Variants in NOTCH2NLC observed in about 807,000 individuals in gnomAD.
NOTCH2NLC encodes the protein notch 2 N-terminal like C, also known as notch homolog 2 N-terminal-like protein C.
Under a neutral mutation model 17.7 loss-of-function variants are expected in NOTCH2NLC, and 4 were observed. The observed-to-expected ratio is 0.23, with a 90% confidence interval of 0.11 to 0.52. The LOEUF is 0.52. Ranked by LOEUF, NOTCH2NLC falls within the 20% of genes least tolerant of loss-of-function variation. The pLI is 0.96. For missense variants in NOTCH2NLC, 57 were observed against 207.2 expected, an observed-to-expected ratio of 0.28 and a Z score of 4.45; for synonymous variants, 18 against 86.0, an observed-to-expected ratio of 0.21 and a Z score of 4.38.
chr1:149,449,715 G>A (rs2084580746), intron 2 of NOTCH2NLC, among the ~76,000 whole-genome samples: 2 of 151,340 alleles, frequency 1.3e-5, no homozygotes, highest in South Asian at 4.2e-4. Flanking sequence ...AGAGTTATGA[G>A]ACCACCACCA....
intron 1 of NOTCH2NLC, among the ~76,000 whole-genome samples, chr1:149,396,117 GTT>G (rs2084207285): frequency 6.7e-6 from 1 of 148,486 alleles, no homozygotes; most frequent in Non-Finnish European, 1.5e-5. Flanking sequence ...GTTGGAGTGT[GTT>G]TCTATGTTCT....
chr1:149,461,198 G>T (rs1427919001), intron 3 of NOTCH2NLC, among the ~76,000 whole-genome samples: 1 of 149,890 alleles, frequency 6.7e-6, no homozygotes, highest in Admixed American at 6.6e-5. Flanking sequence ...GCCTCCCAAA[G>T]TGCTGGGATT....
rs1280184852 is a variant in NOTCH2NLC at position 149,390,633 on chromosome 1, C to A, written c.-155C>A. On this transcript the variant is annotated 5_prime_UTR_variant, in exon 1 of 5. Transcript: ENST00000650865. Reference sequence around the variant, plus strand: ...GAGAAAGTTTCAGCCAAACTTCGGGCGGCGGCTGAGGCGGCGGCCGAGGAG... The same window carrying A: ...GAGAAAGTTTCAGCCAAACTTCGGGAGGCGGCTGAGGCGGCGGCCGAGGAG... The A allele has an allele frequency of 3.5e-6, 4 of 1,127,076 alleles. No homozygotes were observed. Among genetic ancestry groups the A allele is most frequent in the East Asian group, 8.4e-5 (2 of 23,796 alleles). 69.8% of individuals were successfully genotyped at this position (1,127,076 alleles called of 1,614,324 possible).
chr1:149,436,976 G>A (rs1468927829), intron 2 of NOTCH2NLC, among the ~76,000 whole-genome samples: 7 of 121,952 alleles, frequency 5.7e-5, no homozygotes, highest in South Asian at 3.0e-4. Flanking sequence ...CTATTTATGC[G>A]TACCACATAT....
chr1:149,399,326 TC>T (rs1253693498), intron 1 of NOTCH2NLC, among the ~76,000 whole-genome samples: 1 of 147,200 alleles, frequency 6.8e-6, no homozygotes, highest in Non-Finnish European at 1.5e-5. Context: ...GAGAGGTTGT[TC>T]TATTGGTATA....
chr1:149,413,064 C>T, intron 1 of NOTCH2NLC, among the ~76,000 whole-genome samples: 1 of 148,684 alleles, frequency 6.7e-6, no homozygotes, highest in Non-Finnish European at 1.5e-5. Context: ...GCCACTACCA[C>T]CCGGCTAATT....
intron 1 of NOTCH2NLC, among the ~76,000 whole-genome samples, chr1:149,413,481 G>C (rs1327255984): frequency 1.3e-5 from 2 of 151,250 alleles, no homozygotes; most frequent in African/African-American, 4.9e-5. Flanking sequence ...GAAGGAAAGA[G>C]GGTAATAATC....
rs1559611433 is a variant in NOTCH2NLC at position 149,460,899 on chromosome 1, CTT to C, written c.470-2590_470-2589del. Among the ~76,000 whole-genome samples, 67 of 124,548 alleles carry C rather than the reference CTT, an allele frequency of 5.4e-4. 4 individuals carry two copies. In the South Asian group the frequency reaches 7.8e-3, roughly 15 times the overall value. The allele number at this position is 124,548 out of a possible 152,430, so 81.7% of individuals were successfully genotyped here. ...TCTTTCTTTCTTTCTTTCTTTCTTT[CTT>C]TCTTTCTTTCTTTCTCTCTCTTTCT... is the stretch of plus-strand genomic sequence containing the variant. On this transcript the variant is annotated intron_variant, in intron 3 of 4. Coordinates refer to ENST00000650865, the MANE Select transcript of NOTCH2NLC (RefSeq NM_001364013.2).
chr1:149,415,897 A>G (rs2084332338), intron 1 of NOTCH2NLC, among the ~76,000 whole-genome samples: 1 of 150,498 alleles, frequency 6.6e-6, no homozygotes, highest in Non-Finnish European at 1.5e-5. Flanking sequence ...AATTTTGATA[A>G]TTTATTTATA....
chr1:149,448,579 G>A (rs1270848068), intron 2 of NOTCH2NLC, among the ~76,000 whole-genome samples: 2 of 148,550 alleles, frequency 1.3e-5, no homozygotes, highest in East Asian at 4.1e-4. Flanking sequence ...CATATCCATT[G>A]GGTATGAGTC....
intron 2 of NOTCH2NLC, among the ~76,000 whole-genome samples, chr1:149,448,753 T>C (rs1335436048): frequency 6.8e-6 from 1 of 147,732 alleles, no homozygotes; most frequent in Non-Finnish European, 1.5e-5. Context: ...TGAGCCTCAC[T>C]TTTTAAAGAG....
intron 1 of NOTCH2NLC, among the ~76,000 whole-genome samples, chr1:149,405,318 ATGTT>A (rs2084262498): frequency 7.0e-6 from 1 of 143,564 alleles, no homozygotes; most frequent in African/African-American, 2.6e-5. Flanking sequence ...AAACAGATGA[ATGTT>A]TCTGTTTTCA....
chr1:149,426,549 A>G (rs1321927967), intron 1 of NOTCH2NLC, among the ~76,000 whole-genome samples: 1 of 130,316 alleles, frequency 7.7e-6, no homozygotes, highest in African/African-American at 2.7e-5. Flanking sequence ...TGGAGTGATG[A>G]GATTGAAATC....
intron 1 of NOTCH2NLC, 139 bp from the exon 2 acceptor site, chr1:149,430,803 T>G (rs1167006177): frequency 9.5e-5 from 41 of 430,104 alleles, no homozygotes; most frequent in African/African-American, 7.9e-4. Context: ...CATAAAAAAC[T>G]GATTAAAACT....
chr1:149,461,579 C>T (rs1295110268), intron 3 of NOTCH2NLC, among the ~76,000 whole-genome samples: 2 of 151,278 alleles, frequency 1.3e-5, no homozygotes, highest in African/African-American at 4.9e-5. Flanking sequence ...CTTTCCTAGA[C>T]AGTCAACTGG....
intron 1 of NOTCH2NLC, among the ~76,000 whole-genome samples, chr1:149,423,620 C>T (rs1457692576): frequency 2.0e-5 from 3 of 147,822 alleles, no homozygotes; most frequent in South Asian, 4.4e-4. Context: ...GATCCTAGGA[C>T]GTAAACTCAG....
At position 149,390,736 on chromosome 1, in the gene NOTCH2NLC, A is replaced by G; in HGVS notation, c.-52A>G. Reference sequence around the variant, plus strand: ...GTAGCGCCAGGGCCTGAGCCTTTGAAGCAGGAGGAGGGGAGGAGAGAGTGG... The same window carrying G: ...GTAGCGCCAGGGCCTGAGCCTTTGAGGCAGGAGGAGGGGAGGAGAGAGTGG... On this transcript the variant is annotated 5_prime_UTR_variant, in exon 1 of 5. Coordinates refer to ENST00000650865, the MANE Select transcript of NOTCH2NLC (RefSeq NM_001364013.2). 7.2e-6 allele frequency: 9 copies of G among 1,241,696 alleles called. No individual in the cohort carries two copies. The highest frequency in any genetic ancestry group is 7.0e-6 in the Non-Finnish European group (7 of 993,642). The allele number at this position is 1,241,696 out of a possible 1,614,324, so 76.9% of individuals were successfully genotyped here. A position where few individuals can be genotyped will look rare whatever the true frequency, so the allele number is the denominator to read the frequency against.
chr1:149,449,262 A>C (rs2084575910), intron 2 of NOTCH2NLC, among the ~76,000 whole-genome samples: 1 of 150,956 alleles, frequency 6.6e-6, no homozygotes, highest in Non-Finnish European at 1.5e-5. Flanking sequence ...GGAGCGAGTA[A>C]TACAAGAGAC....
In NOTCH2NLC at chr1:149,419,864, T is replaced by A. The variant is rs1232468275; in HGVS notation, c.136-11078T>A. Among the ~76,000 whole-genome samples the A allele has an allele frequency of 2.4e-4, 29 of 120,318 alleles. 1 individual carries two copies. The highest frequency in any genetic ancestry group is 6.1e-4 in the South Asian group (2 of 3,286). The allele number at this position is 120,318 out of a possible 152,430, so 78.9% of individuals were successfully genotyped here. Reference sequence around the variant, plus strand: ...GAATATATATATATATATTTTTTTTTTTTTTTTTTTTTTTTTTCCTCAGGC... The same window carrying A: ...GAATATATATATATATATTTTTTTTATTTTTTTTTTTTTTTTTCCTCAGGC... On this transcript the variant is annotated intron_variant, in intron 1 of 4. Transcript: ENST00000650865.
Sources: allele counts gnomAD v4.1 joint callset (sites outside exome capture counted in the v4.1 genomes callset), GRCh38; gene constraint gnomAD v4.1.1; transcripts MANE v1.5; gene names NCBI Gene and HGNC (gene_info 2026-07-23, HGNC 2026-07-21).